The following GSG1L variants were observed in gnomAD, a reference collection of about 807,000 sequenced individuals.
GSG1L encodes GSG1 like, also known as germ cell-specific gene 1-like protein.
A neutral mutation model predicts 42.1 loss-of-function variants in GSG1L; 24 were observed. The ratio of observed to expected loss-of-function variants is 0.57; its 90% CI spans 0.41 to 0.80. The LOEUF is 0.80. Among genes scored for constraint, GSG1L ranks in the 30% least tolerant of loss-of-function variants. The pLI is 0.00. For missense variants in GSG1L, 445 were observed against 472.2 expected (o/e 0.94, Z 0.53); for synonymous variants, 215 against 203.5 (o/e 1.06, Z -0.48).
At chr16:27,815,093 C>T (rs560870445) in intron 5 of GSG1L, among the ~76,000 whole-genome samples, 1 of 152,248 alleles carries the variant, frequency 6.6e-6, no homozygotes, top group South Asian at 2.1e-4. Context: ...TCGCACCCAA[C>T]CAGATTTGCT....
chr16:27,917,163 A>G (rs1255662871), intron 2 of GSG1L, among the ~76,000 whole-genome samples: 1 of 152,056 alleles, frequency 6.6e-6, no homozygotes, highest in Non-Finnish European at 1.5e-5. Context: ...GCAGTAGATC[A>G]CTCTAGCTGC....
intron 1 of GSG1L, among the ~76,000 whole-genome samples, chr16:27,988,127 T>A (rs2085409374): frequency 6.6e-6 from 1 of 152,108 alleles, no homozygotes; most frequent in Non-Finnish European, 1.5e-5. Flanking sequence ...TTTAAGTTTA[T>A]ATACTTTAAG....
intron 3 of GSG1L, among the ~76,000 whole-genome samples, chr16:27,860,748 G>A (rs995871244): frequency 6.6e-6 from 1 of 152,354 alleles, no homozygotes; most frequent in East Asian, 1.9e-4. Context: ...GGAGTCCAGG[G>A]AGACAGCAGC....
chr16:27,810,276 C>A (rs944555300), intron 5 of GSG1L, among the ~76,000 whole-genome samples: 1 of 151,936 alleles, frequency 6.6e-6, no homozygotes, highest in Non-Finnish European at 1.5e-5. Context: ...CCCAGGAGTT[C>A]GAGACCAGCC....
chr16:27,942,757 A>T (rs915700286), intron 2 of GSG1L, among the ~76,000 whole-genome samples: 2 of 152,244 alleles, frequency 1.3e-5, no homozygotes, highest in Non-Finnish European at 2.9e-5. Context: ...TATAAATCTG[A>T]TGAATGCCAA....
At chr16:27,829,064 T>A in intron 4 of GSG1L, 108 bp from the exon 5 acceptor site, 1 of 1,072,896 alleles carries the variant, frequency 9.3e-7, no homozygotes, top group South Asian at 1.6e-5. Flanking sequence ...CCTTTTCCTC[T>A]GGTACTTAAG....
chr16:27,968,288 T>C (rs2085157005), intron 1 of GSG1L, among the ~76,000 whole-genome samples: 1 of 152,188 alleles, frequency 6.6e-6, no homozygotes, highest in African/African-American at 2.4e-5. Context: ...CTTGCCCTGT[T>C]GCCCAGGCTG....
At chr16:27,859,878 C>T (rs562042898) in intron 3 of GSG1L, among the ~76,000 whole-genome samples, 2 of 151,750 alleles carry the variant, frequency 1.3e-5, no homozygotes, top group African/African-American at 2.4e-5. Flanking sequence ...AACAGGGTCT[C>T]GCTCTGTTGG....
intron 2 of GSG1L, among the ~76,000 whole-genome samples, chr16:27,946,573 GAAAGAA>G (rs147333768): frequency 0.025 from 315 of 12,410 alleles, 2 homozygotes; most frequent in South Asian, 0.057. Flanking sequence ...AAGAAAGAAA[GAAAGAA>G]AGAGAGAGAG....
At chr16:27,912,899 T>C (rs1596608549) in intron 2 of GSG1L, among the ~76,000 whole-genome samples, 1 of 152,198 alleles carries the variant, frequency 6.6e-6, no homozygotes, top group Non-Finnish European at 1.5e-5. Context: ...ATTCACAGCA[T>C]AGAATGCTTG....
In GSG1L at chr16:27,888,499, CTT is replaced by C. The variant is rs1567505940; in HGVS notation, c.398-3863_398-3862del. ...CTCTCTTTCCTTTCTTTCTTTCTTTCTTTCTTTCTTTCTTTCTTTCTTTCTTT... is the reference window on the plus strand; with the variant it reads ...CTCTCTTTCCTTTCTTTCTTTCTTTCTCTTTCTTTCTTTCTTTCTTTCTTT... On this transcript the variant is annotated intron_variant, in intron 2 of 6. Coordinates refer to ENST00000447459, the MANE Select transcript of GSG1L (RefSeq NM_001109763.2). Among the ~76,000 whole-genome samples the C allele has an allele frequency of 9.3e-4, 6 of 6,460 alleles. 1 individual carries two copies. The highest frequency in any genetic ancestry group is 2.4e-3 in the African/African-American group (6 of 2,456). The allele number at this position is 6,460 out of a possible 152,430, so 4.2% of individuals were successfully genotyped here. A position where few individuals can be genotyped will look rare whatever the true frequency, so the allele number is the denominator to read the frequency against.
chr16:27,853,477 G>A (rs1018273006), intron 3 of GSG1L, among the ~76,000 whole-genome samples: 9 of 152,146 alleles, frequency 5.9e-5, no homozygotes, highest in African/African-American at 1.9e-4. Flanking sequence ...GCCCTCTGAG[G>A]ACACGGGGAG....
intron 1 of GSG1L, among the ~76,000 whole-genome samples, chr16:27,985,150 A>G (rs778478235): frequency 1.2e-4 from 18 of 152,112 alleles, no homozygotes; most frequent in Non-Finnish European, 2.5e-4. Context: ...GAATCAATCT[A>G]GAGGAGACTT....
intron 3 of GSG1L, among the ~76,000 whole-genome samples, chr16:27,867,404 G>A (rs2083742095): frequency 6.6e-6 from 1 of 152,218 alleles, no homozygotes; most frequent in Non-Finnish European, 1.5e-5. Context: ...CATTGACAAA[G>A]AGGTGGGAGC....
Position 27,790,638 on chromosome 16 carries a change from G to C in GSG1L, c.*732C>G, listed in dbSNP as rs1348649546. On this transcript the variant is annotated 3_prime_UTR_variant, in exon 7 of 7. Transcript: ENST00000447459. Reference sequence around the variant, plus strand: ...CTCCCTGCTTAGGGCTTGGGTTTGGGGGCCCACTTCTTGCTCGCCCCACAT... The same window carrying C: ...CTCCCTGCTTAGGGCTTGGGTTTGGCGGCCCACTTCTTGCTCGCCCCACAT... 1 of 152,266 alleles carries C rather than the reference G, an allele frequency of 6.6e-6. No individual in the cohort carries two copies. Among genetic ancestry groups the C allele is most frequent in the Admixed American group, 6.5e-5 (1 of 15,274 alleles). The allele number at this position is 152,266 out of a possible 1,614,324, so 9.4% of individuals were successfully genotyped here.
At chr16:27,879,750 T>C (rs1357029578) in intron 3 of GSG1L, among the ~76,000 whole-genome samples, 1 of 152,042 alleles carries the variant, frequency 6.6e-6, no homozygotes, top group Admixed American at 6.5e-5. Flanking sequence ...GATATGTAAA[T>C]AGTTGTTGTA....
At chr16:27,965,534 A>C (rs2085121891) in intron 1 of GSG1L, among the ~76,000 whole-genome samples, 2 of 152,242 alleles carry the variant, frequency 1.3e-5, no homozygotes, top group Admixed American at 1.3e-4. Context: ...CTCTGCTTAC[A>C]CACACATTAA....
intron 3 of GSG1L, among the ~76,000 whole-genome samples, chr16:27,877,111 A>G (rs888868742): frequency 6.6e-6 from 1 of 152,110 alleles, no homozygotes; most frequent in Non-Finnish European, 1.5e-5. Flanking sequence ...CCCTTTCTGG[A>G]TCTAAGCCCC....
intron 2 of GSG1L, among the ~76,000 whole-genome samples, chr16:27,921,267 C>T (rs1249896617): frequency 6.6e-6 from 1 of 152,098 alleles, no homozygotes; most frequent in African/African-American, 2.4e-5. Flanking sequence ...TGTTCTTTCC[C>T]CACCGCACCC....
Sources: allele counts gnomAD v4.1 joint callset (sites outside exome capture counted in the v4.1 genomes callset), GRCh38; gene constraint gnomAD v4.1.1; transcripts MANE v1.5; gene names NCBI Gene and HGNC (gene_info 2026-07-23, HGNC 2026-07-21).